Variants in MOB3B observed in about 807,000 individuals in gnomAD.
MOB3B encodes the protein MOB kinase activator-like 2B.
In MOB3B, 7 loss-of-function variants were observed where a neutral mutation model predicts 18.7. The observed-to-expected ratio is 0.37, with a 90% confidence interval of 0.21 to 0.70. The LOEUF is 0.70. MOB3B is among the 30% of genes least tolerant of loss of function. The pLI, the probability that MOB3B is intolerant of heterozygous loss-of-function variation, is 0.52. For missense variants in MOB3B, 253 were observed against 281.3 expected (o/e 0.90, Z 0.72); for synonymous variants, 111 against 99.9 (o/e 1.11, Z -0.66).
chr9:27,333,150 C>T (rs1369836693), intron 3 of MOB3B, among the ~76,000 whole-genome samples: 1 of 151,898 alleles, frequency 6.6e-6, no homozygotes, highest in East Asian at 1.9e-4. Context: ...TCAGAGAGGA[C>T]AGGGTACTTA....
chr9:27,335,048 G>A (rs1033098897), intron 3 of MOB3B, among the ~76,000 whole-genome samples: 3 of 152,094 alleles, frequency 2.0e-5, no homozygotes, highest in Admixed American at 6.6e-5. Context: ...CTCGTGATCC[G>A]CCTGCCTTGG....
At chr9:27,352,862 T>C (rs1434497323) in intron 3 of MOB3B, among the ~76,000 whole-genome samples, 1 of 152,222 alleles carries the variant, frequency 6.6e-6, no homozygotes, top group African/African-American at 2.4e-5. Context: ...TGAACAAGTT[T>C]CTTTACTGGA....
intron 2 of MOB3B, among the ~76,000 whole-genome samples, chr9:27,435,660 C>T (rs770551941): frequency 9.2e-5 from 14 of 152,076 alleles, no homozygotes; most frequent in African/African-American, 2.2e-4. Flanking sequence ...AGTGCAGTGG[C>T]GCTATCTCTA....
chr9:27,466,684 G>A (rs1028634956), intron 1 of MOB3B, among the ~76,000 whole-genome samples: 2 of 152,146 alleles, frequency 1.3e-5, no homozygotes, highest in Non-Finnish European at 2.9e-5. Context: ...TTCTTATACG[G>A]CAGCAGCAAG....
intron 1 of MOB3B, among the ~76,000 whole-genome samples, chr9:27,521,531 G>T (rs700793): frequency 2.6e-5 from 4 of 152,146 alleles, no homozygotes; most frequent in Admixed American, 6.5e-5. Context: ...ACAATTATCT[G>T]TTTTTTAAAA....
At position 27,376,142 on chromosome 9, in the gene MOB3B, A is replaced by T. The variant is rs79240236; in HGVS notation, c.419-16906T>A. Reference sequence around the variant, plus strand: ...GTTTGTATCCTCCTTTTTGTACTTGACATAAGTATTAGATATTCTTTGAAC... The same window carrying T: ...GTTTGTATCCTCCTTTTTGTACTTGTCATAAGTATTAGATATTCTTTGAAC... On this transcript the variant is annotated intron_variant, in intron 2 of 3. Transcript: ENST00000262244. Among the ~76,000 whole-genome samples, 1,072 of 152,282 alleles carry T rather than the reference A, an allele frequency of 7.0e-3. 18 individuals are homozygous for T. The highest frequency in any genetic ancestry group is 0.024 in the African/African-American group (1,007 of 41,560).
chr9:27,470,661 C>G (rs1312045181), intron 1 of MOB3B, among the ~76,000 whole-genome samples: 1 of 152,188 alleles, frequency 6.6e-6, no homozygotes, highest in Non-Finnish European at 1.5e-5. Context: ...GCCCACCCAC[C>G]CATCTGTTAG....
intron 1 of MOB3B, among the ~76,000 whole-genome samples, chr9:27,505,705 T>G (rs577814787): frequency 1.3e-5 from 2 of 152,346 alleles, no homozygotes; most frequent in South Asian, 4.1e-4. Flanking sequence ...CAGAATTATA[T>G]TAATTCTCCT....
chr9:27,454,463 C>T (rs2131448242), intron 2 of MOB3B, among the ~76,000 whole-genome samples: 1 of 152,330 alleles, frequency 6.6e-6, no homozygotes, highest in East Asian at 1.9e-4. Context: ...ATGGAAAAAT[C>T]TAATGACCAG....
At chr9:27,444,264 G>C (rs1167851546) in intron 2 of MOB3B, among the ~76,000 whole-genome samples, 1 of 102,986 alleles carries the variant, frequency 9.7e-6, no homozygotes, top group Non-Finnish European at 2.0e-5. Flanking sequence ...AGGAAGGAAG[G>C]AAGGAGGGAG....
intron 1 of MOB3B, among the ~76,000 whole-genome samples, chr9:27,494,904 T>A (rs953323728): frequency 1.3e-5 from 2 of 152,184 alleles, no homozygotes; most frequent in Admixed American, 6.5e-5. Flanking sequence ...AAGATCTTGT[T>A]AAAATGCAAA....
At chr9:27,359,328 C>A (rs1410525721) in intron 2 of MOB3B, 92 bp from the exon 3 acceptor site, 1 of 1,095,316 alleles carries the variant, frequency 9.1e-7, no homozygotes, top group Non-Finnish European at 1.3e-6. Context: ...GAGGGCAATG[C>A]TACAGGGAGA....
intron 2 of MOB3B, among the ~76,000 whole-genome samples, chr9:27,390,180 C>T (rs1249407775): frequency 2.0e-5 from 3 of 152,132 alleles, no homozygotes; most frequent in Non-Finnish European, 4.4e-5. Context: ...CTCCGCCTCC[C>T]AAGTTCAAGC....
intron 2 of MOB3B, chr9:27,421,698 A>C (rs1822253592): frequency 6.6e-6 from 1 of 152,414 alleles, no homozygotes; most frequent in African/African-American, 2.4e-5. Flanking sequence ...CTCCAGCTGC[A>C]CTGGCCTCCT....
chr9:27,335,898 A>G (rs1222517690), intron 3 of MOB3B, among the ~76,000 whole-genome samples: 2 of 152,192 alleles, frequency 1.3e-5, no homozygotes, highest in Non-Finnish European at 2.9e-5. Flanking sequence ...TTGAAGAGAG[A>G]AAACCTATCT....
chr9:27,527,199 A>G (rs982129564), intron 1 of MOB3B, among the ~76,000 whole-genome samples: 1 of 152,174 alleles, frequency 6.6e-6, no homozygotes, highest in African/African-American at 2.4e-5. Context: ...AAGACAAGAA[A>G]TGCTCTTTTA....
chr9:27,400,282 A>T (rs1353922287), intron 2 of MOB3B, among the ~76,000 whole-genome samples: 1 of 152,220 alleles, frequency 6.6e-6, no homozygotes, highest in Admixed American at 6.5e-5. Flanking sequence ...TTGTAGATAC[A>T]GCTCTCCAAA....
At chr9:27,498,104 C>T (rs1384279047) in intron 1 of MOB3B, among the ~76,000 whole-genome samples, 1 of 152,162 alleles carries the variant, frequency 6.6e-6, no homozygotes, top group African/African-American at 2.4e-5. Context: ...CGGCTGCCCA[C>T]CCCCTTCTCC....
intron 1 of MOB3B, among the ~76,000 whole-genome samples, chr9:27,489,227 C>T (rs548976431): frequency 1.3e-5 from 2 of 152,296 alleles, no homozygotes; most frequent in East Asian, 3.9e-4. Context: ...TGGTTTTCTT[C>T]CCTTGTCATT....
Sources: allele counts gnomAD v4.1 joint callset (sites outside exome capture counted in the v4.1 genomes callset), GRCh38; gene constraint gnomAD v4.1.1; transcripts MANE v1.5; gene names NCBI Gene and HGNC (gene_info 2026-07-23, HGNC 2026-07-21).